CCNY: variants seen among roughly 807,000 people sequenced by gnomAD.
CCNY encodes cyclin Y.
Under a neutral mutation model 42.8 loss-of-function variants are expected in CCNY, and 19 were observed. The ratio of observed to expected loss-of-function variants is 0.44; its 90% CI spans 0.31 to 0.65. The LOEUF (loss-of-function observed/expected upper bound fraction) is 0.65, where lower values mean the gene tolerates loss of function less well. CCNY is among the 30% of genes least tolerant of loss of function. The probability of loss-of-function intolerance (pLI) is 0.07; values close to 1 mark genes in which losing one functional copy is unlikely to be tolerated. For missense variants in CCNY, 370 were observed against 437.3 expected (o/e 0.85, Z 1.37); for synonymous variants, 165 against 162.7 (o/e 1.01, Z -0.11).
chr10:35,515,863 AGTT>A (rs1436081868), intron 3 of CCNY, among the ~76,000 whole-genome samples: 1 of 152,228 alleles, frequency 6.6e-6, no homozygotes, highest in Non-Finnish European at 1.5e-5. Context: ...AGAGCCCAAA[AGTT>A]GTACAGTTAT....
intron 3 of CCNY, among the ~76,000 whole-genome samples, chr10:35,304,706 TGG>T (rs1486561611): frequency 6.6e-6 from 1 of 152,200 alleles, no homozygotes; most frequent in Non-Finnish European, 1.5e-5. Context: ...ATTTTTGTTT[TGG>T]GGGGCTGTCC....
intron 3 of CCNY, among the ~76,000 whole-genome samples, chr10:35,330,571 C>G (rs1835930663): frequency 1.3e-5 from 2 of 152,166 alleles, no homozygotes; most frequent in South Asian, 2.1e-4. Flanking sequence ...CTGCATACAA[C>G]TTGGGAATTC....
At position 35,323,118 on chromosome 10, in the gene CCNY, A is replaced by G. The variant is rs548847175; in HGVS notation, c.-9+72492A>G. Among the ~76,000 whole-genome samples the G allele has an allele frequency of 8.5e-5, 13 of 152,172 alleles. No individual in the cohort carries two copies. In the South Asian group the frequency reaches 2.5e-3, roughly 29 times the overall value. On this transcript the variant is annotated intron_variant, in intron 3 of 11. Coordinates refer to the CCNY transcript ENST00000374706. ...TTTTTTTTGTATTTTTAGTAGACAC[A>G]GGGTTTCGTCATGTTGGCCAGGCTG...
rs533640034 is a variant in CCNY at position 35,570,396 on chromosome 10, G to A, written c.*1226G>A. The A allele has an allele frequency of 6.6e-5, 10 of 152,278 alleles. No individual in the cohort carries two copies. In the South Asian group the frequency reaches 2.1e-3, roughly 32 times the overall value. 9.4% of individuals were successfully genotyped at this position (152,278 alleles called of 1,614,324 possible). On this transcript the variant is annotated 3_prime_UTR_variant, in exon 10 of 10. Transcript: ENST00000374704. ...AGTTCTACAAAATTCAAACTGTGAA[G>A]GTTTATGCTTCATTAATTATGACCA...
intron 1 of CCNY, among the ~76,000 whole-genome samples, chr10:35,429,059 ATG>A (rs1838329378): frequency 1.3e-5 from 2 of 152,232 alleles, no homozygotes; most frequent in Non-Finnish European, 2.9e-5. Flanking sequence ...CTCAAAAATA[ATG>A]TGTTTCTAGT....
At chr10:35,299,183 T>G (rs779176865) in intron 3 of CCNY, among the ~76,000 whole-genome samples, 4 of 152,218 alleles carry the variant, frequency 2.6e-5, no homozygotes, top group Non-Finnish European at 5.9e-5. Flanking sequence ...TGAGACTAGT[T>G]TCATGGCCCA....
chr10:35,539,712 G>A (rs529794415), intron 7 of CCNY, among the ~76,000 whole-genome samples: 12 of 152,236 alleles, frequency 7.9e-5, no homozygotes, highest in Middle Eastern at 3.4e-3. Context: ...GCTTGAACCC[G>A]GGAGGCAGAG....
At chr10:35,544,314 C>CT (rs1490595132) in intron 7 of CCNY, among the ~76,000 whole-genome samples, 1 of 152,128 alleles carries the variant, frequency 6.6e-6, no homozygotes, top group East Asian at 1.9e-4. Context: ...GGTGCTTTTT[C>CT]TTTGTTTAGA....
At chr10:35,341,355 A>C (rs557685254) in intron 1 of CCNY, among the ~76,000 whole-genome samples, 1 of 152,270 alleles carries the variant, frequency 6.6e-6, no homozygotes, top group East Asian at 1.9e-4. Flanking sequence ...AGGCCTTCCC[A>C]ATCACCTTTA....
chr10:35,565,727 C>CA (rs980843740), intron 8 of CCNY, among the ~76,000 whole-genome samples: 2 of 152,236 alleles, frequency 1.3e-5, no homozygotes. Flanking sequence ...AGCCTGTCCT[C>CA]ACGGAGACCT....
At chr10:35,291,653 C>T (rs548767441) in intron 3 of CCNY, among the ~76,000 whole-genome samples, 2 of 151,508 alleles carry the variant, frequency 1.3e-5, no homozygotes, top group African/African-American at 4.8e-5. Context: ...TCTCCTGCCT[C>T]AGCCTCCCGA....
At chr10:35,479,617 G>GA (rs1564427635) in intron 1 of CCNY, among the ~76,000 whole-genome samples, 1 of 123,784 alleles carries the variant, frequency 8.1e-6, no homozygotes, top group Non-Finnish European at 1.7e-5. Context: ...GGGGTGGGGG[G>GA]AGGGGGGGGA....
intron 3 of CCNY, among the ~76,000 whole-genome samples, chr10:35,506,331 C>T (rs1336903027): frequency 3.9e-5 from 6 of 152,154 alleles, no homozygotes; most frequent in African/African-American, 1.4e-4. Flanking sequence ...GGTTCTCAGA[C>T]CCCCTGTTCT....
At chr10:35,364,486 C>A (rs112912024) in intron 1 of CCNY, among the ~76,000 whole-genome samples, 1 of 152,058 alleles carries the variant, frequency 6.6e-6, no homozygotes, top group Admixed American at 6.5e-5. Flanking sequence ...AATAATGTTA[C>A]GTATTTAATT....
At chr10:35,337,786 C>T (rs1331457421) in intron 1 of CCNY, among the ~76,000 whole-genome samples, 1 of 151,962 alleles carries the variant, frequency 6.6e-6, no homozygotes, top group Non-Finnish European at 1.5e-5. Flanking sequence ...AGTCAAATAG[C>T]TTCTCCCGAG....
At chr10:35,505,504 C>CT (rs1467026905) in intron 3 of CCNY, among the ~76,000 whole-genome samples, 2 of 152,050 alleles carry the variant, frequency 1.3e-5, no homozygotes, top group Non-Finnish European at 2.9e-5. Context: ...TACTTATCAG[C>CT]TAAGCAAGAG....
intron 1 of CCNY, among the ~76,000 whole-genome samples, chr10:35,400,025 G>T (rs1401281662): frequency 6.6e-6 from 1 of 151,850 alleles, no homozygotes; most frequent in Non-Finnish European, 1.5e-5. Flanking sequence ...TGTGGAGCTG[G>T]AGTCTCAGAG....
intron 3 of CCNY, among the ~76,000 whole-genome samples, chr10:35,267,428 T>C (rs1246947000): frequency 6.6e-6 from 1 of 152,106 alleles, no homozygotes; most frequent in Non-Finnish European, 1.5e-5. Flanking sequence ...GCTCAAACAC[T>C]CTGGGGCTGG....
At chr10:35,263,903 C>T (rs1488985638) in intron 3 of CCNY, among the ~76,000 whole-genome samples, 3 of 152,174 alleles carry the variant, frequency 2.0e-5, no homozygotes, top group Non-Finnish European at 4.4e-5. Flanking sequence ...CATCATTCAG[C>T]TCCCTCTTCT....
Sources: gnomAD v4.1 joint callset for allele counts (sites outside exome capture counted in the v4.1 genomes callset) on GRCh38, gnomAD v4.1.1 for gene constraint, MANE v1.5 for transcripts, NCBI Gene and HGNC (gene_info 2026-07-23, HGNC 2026-07-21) for gene names.